SREBF2: variants seen among roughly 807,000 people sequenced by gnomAD.
SREBF2 encodes the protein sterol regulatory element binding transcription factor 2, also known as sterol regulatory element-binding protein 2.
SREBF2 carries 55 observed loss-of-function variants against 113.1 expected under a neutral mutation model. The ratio of observed to expected loss-of-function variants is 0.49; its 90% CI spans 0.39 to 0.61. The LOEUF is 0.61. Ranked by LOEUF, SREBF2 falls within the 20% of genes least tolerant of loss-of-function variation. The probability of loss-of-function intolerance (pLI) is 0.00; values close to 1 mark genes in which losing one functional copy is unlikely to be tolerated. For missense variants in SREBF2, 1,349 were observed against 1,487.4 expected, an observed-to-expected ratio of 0.91 and a Z score of 1.53; for synonymous variants, 593 against 605.7, an observed-to-expected ratio of 0.98 and a Z score of 0.31.
chr22:41,864,271 C>T (rs1160737107), intron 1 of SREBF2, among the ~76,000 whole-genome samples: 151 of 130,614 alleles, frequency 1.2e-3, no homozygotes, highest in Non-Finnish European at 1.9e-3. Context: ...TACACACACA[C>T]ACACACACAC....
intron 8 of SREBF2, 140 bp from the exon 9 acceptor site, chr22:41,877,802 T>C: frequency 1.1e-6 from 1 of 941,678 alleles, no homozygotes; most frequent in Non-Finnish European, 1.7e-6. Flanking sequence ...ATTAGCCCTG[T>C]TTAGATTATA....
intron 1 of SREBF2, among the ~76,000 whole-genome samples, chr22:41,860,213 A>G (rs1569382980): frequency 6.6e-6 from 1 of 151,754 alleles, no homozygotes; most frequent in Non-Finnish European, 1.5e-5. Flanking sequence ...ATAAGTATCT[A>G]TAATATCTGG....
rs201991869 is a variant in SREBF2 at position 41,868,728 on chromosome 22, C to T, written c.656C>T (p.Thr219Met). Reference protein sequence around the residue: ...QRVLTQTANGTLQTLAPATVQ... With the variant: ...QRVLTQTANGMLQTLAPATVQ... ...GTGCTGACACAAACGGCCAATGGCA[C>T]GCTGCAGACCCTTGCCCCGGCTACG... The change falls in exon 3 of 19, where the codon ACG becomes ATG. Residue 219 changes from threonine (T) to methionine (M), a missense_variant. Around this residue, in one of 2 missense-constraint regions of SREBF2, gnomAD observed 699 missense variants for 843.3 expected, o/e 0.83. Coordinates refer to ENST00000361204, the MANE Select transcript of SREBF2 (RefSeq NM_004599.4). 52 of 1,614,158 alleles carry T rather than the reference C, an allele frequency of 3.2e-5. No individual in the cohort carries two copies. In the East Asian group the frequency reaches 8.0e-4, roughly 25 times the overall value.
At chr22:41,892,745 C>G (rs116328092) in intron 11 of SREBF2, among the ~76,000 whole-genome samples, 1 of 152,104 alleles carries the variant, frequency 6.6e-6, no homozygotes, top group Non-Finnish European at 1.5e-5. Context: ...AGTACAGCAG[C>G]CAGGGGGCCC....
chr22:41,900,281 G>T, intron 15 of SREBF2, 49 bp from the exon 16 acceptor site: 2 of 1,598,906 alleles, frequency 1.3e-6, no homozygotes, highest in Admixed American at 1.7e-5. Context: ...TGCCTGTCAC[G>T]CAGGTGACAC....
chr22:41,849,796 A>C (rs150518242), intron 1 of SREBF2, among the ~76,000 whole-genome samples: 2 of 152,284 alleles, frequency 1.3e-5, no homozygotes, highest in African/African-American at 4.8e-5. Flanking sequence ...CATTACATAC[A>C]TGTTCACCCT....
chr22:41,900,281 G>A (rs182241139), intron 15 of SREBF2, 49 bp from the exon 16 acceptor site: 11 of 1,598,788 alleles, frequency 6.9e-6, no homozygotes, highest in Middle Eastern at 1.8e-4. Flanking sequence ...TGCCTGTCAC[G>A]CAGGTGACAC....
chr22:41,878,178 G>T (rs1173349993), intron 9 of SREBF2, 55 bp downstream of exon 9: 103 of 1,605,644 alleles, frequency 6.4e-5, no homozygotes, highest in Non-Finnish European at 7.6e-6. Flanking sequence ...AAATAATTCA[G>T]CAACTCGTGT....
intron 1 of SREBF2, among the ~76,000 whole-genome samples, chr22:41,859,273 G>A (rs1434524260): frequency 6.6e-6 from 1 of 152,192 alleles, no homozygotes; most frequent in Non-Finnish European, 1.5e-5. Flanking sequence ...GTGTCATTAG[G>A]TTACAGCTTG....
Position 41,878,104 on chromosome 22 carries a change from C to A in SREBF2, c.1742C>A (p.Ala581Glu). ...SVTFWRHRKQ[A>E]DLDLARGDFA... Reference sequence around the variant, plus strand: ...ACCTTCTGGAGGCACCGGAAACAGGCAGATCTGGATCTCGCCAGAGTGAGT... The same window carrying A: ...ACCTTCTGGAGGCACCGGAAACAGGAAGATCTGGATCTCGCCAGAGTGAGT... Residue 581 changes from alanine to glutamate, a missense_variant, in exon 9 of 19, where the codon GCA (alanine) becomes GAA (glutamate). Transcript: ENST00000361204. 6.2e-7 allele frequency: 1 copy of A among 1,614,168 alleles called. No homozygotes were observed. The highest frequency in any genetic ancestry group is 1.3e-5 in the African/African-American group (1 of 75,056).
At chr22:41,902,041 C>T (rs959303961) in intron 16 of SREBF2, among the ~76,000 whole-genome samples, 2 of 152,210 alleles carry the variant, frequency 1.3e-5, no homozygotes, top group Non-Finnish European at 2.9e-5. Flanking sequence ...TTGAAGCACA[C>T]AACAGCCAGA....
At chr22:41,895,901 TG>T (rs2077411924) in intron 13 of SREBF2, among the ~76,000 whole-genome samples, 1 of 151,462 alleles carries the variant, frequency 6.6e-6, no homozygotes, top group Admixed American at 6.6e-5. Flanking sequence ...GCACTTTGGG[TG>T]GGAGGCCAAG....
At chr22:41,847,545 C>G (rs1355501397) in intron 1 of SREBF2, among the ~76,000 whole-genome samples, 1 of 152,182 alleles carries the variant, frequency 6.6e-6, no homozygotes, top group East Asian at 1.9e-4. Context: ...GAGCACCTGT[C>G]CAGTGTCAGG....
chr22:41,887,466 A>G (rs2077310087), intron 11 of SREBF2, among the ~76,000 whole-genome samples: 1 of 152,172 alleles, frequency 6.6e-6, no homozygotes, highest in Non-Finnish European at 1.5e-5. Context: ...TGTTTAAACT[A>G]TATTAATATA....
chr22:41,833,543 C>T lies in SREBF2; in HGVS notation c.88+185C>T. 2.1e-6 allele frequency: 1 copy of T among 483,074 alleles called. No homozygotes were observed. The highest frequency in any genetic ancestry group is 3.5e-6 in the Non-Finnish European group (1 of 283,332). 29.9% of individuals were successfully genotyped at this position (483,074 alleles called of 1,614,324 possible). On this transcript the variant is annotated intron_variant, in intron 1 of 18. Transcript: ENST00000361204. This position sits in a 1 kb window ranked among gnomAD's most constrained non-coding sequence, Gnocchi z 4.1. Reference sequence around the variant, plus strand: ...TGCGAGCGTGAGCCCGACCCAGCTGCGCCGCTCCGGGAGGCCGTGGGATCT... The same window carrying T: ...TGCGAGCGTGAGCCCGACCCAGCTGTGCCGCTCCGGGAGGCCGTGGGATCT...
chr22:41,836,295 T>C (rs1309322581), intron 1 of SREBF2, among the ~76,000 whole-genome samples: 1 of 152,228 alleles, frequency 6.6e-6, no homozygotes, highest in Non-Finnish European at 1.5e-5. Context: ...TCGTGAAAGA[T>C]AGCATAGAAT....
At chr22:41,896,247 C>T (rs973939488) in intron 13 of SREBF2, among the ~76,000 whole-genome samples, 2 of 152,150 alleles carry the variant, frequency 1.3e-5, no homozygotes, top group South Asian at 2.1e-4. Flanking sequence ...TGGAATGTGC[C>T]GGGCAATTTT....
intron 1 of SREBF2, among the ~76,000 whole-genome samples, chr22:41,849,853 G>T (rs1374765766): frequency 6.6e-6 from 1 of 152,148 alleles, no homozygotes; most frequent in Non-Finnish European, 1.5e-5. Context: ...AAAGTAATAA[G>T]ATGGGCCGGG....
intron 18 of SREBF2, 94 bp from the exon 19 acceptor site, chr22:41,905,346 T>A: frequency 8.3e-7 from 1 of 1,207,666 alleles, no homozygotes; most frequent in East Asian, 2.6e-5. Flanking sequence ...CCAGGATGGA[T>A]GTGAGCGTTC....
Sources: gnomAD v4.1 joint callset for allele counts (sites outside exome capture counted in the v4.1 genomes callset) on GRCh38, gnomAD v4.1.1 for gene constraint, gnomAD v4.1.1 regional missense constraint, Gnocchi (gnomAD v3.1) non-coding constraint, MANE v1.5 for transcripts, NCBI Gene and HGNC (gene_info 2026-07-23, HGNC 2026-07-21) for gene names.